The following RCHY1 variants were observed in gnomAD, a reference collection of about 807,000 sequenced individuals.
The protein encoded by RCHY1 is ring finger and CHY zinc finger domain containing 1, also known as RING finger and CHY zinc finger domain-containing protein 1.
In RCHY1, 21 loss-of-function variants were observed where a neutral mutation model predicts 41.6. The ratio of observed to expected loss-of-function variants is 0.51; its 90% confidence interval spans 0.36 to 0.73. The LOEUF is 0.73. Ranked by LOEUF, RCHY1 falls within the 30% of genes least tolerant of loss-of-function variation. The pLI is 0.00. For synonymous variants in RCHY1, 79 were observed against 102.9 expected, an observed-to-expected ratio of 0.77 and a Z score of 1.41; for missense variants, 265 against 325.3, an observed-to-expected ratio of 0.81 and a Z score of 1.43.
At chr4:75,514,528 C>T (rs1254001832), upstream of RCHY1, 3 of 427,680 alleles carry the variant, frequency 7.0e-6, no homozygotes, top group Non-Finnish European at 1.3e-5. Context: ...ACGGTAATAA[C>T]TCTTAGGTTG....
chr4:75,486,956 G>A lies in RCHY1; in HGVS notation c.657+3625C>T, dbSNP rs191131184. ...ATTGCTCCACTGTACTCCAGCCTGG[G>A]TGACAGAGAAAGACTCCGTCTAAAA... On this transcript the variant is annotated intron_variant, in intron 8 of 8. Transcript: ENST00000324439. Among the ~76,000 whole-genome samples the A allele has an allele frequency of 1.6e-4, 25 of 152,220 alleles. No individual in the cohort carries two copies. The East Asian group carries it at 4.8e-3, about 29-fold the overall frequency.
upstream of RCHY1, chr4:75,514,424 G>T: frequency 1.0e-6 from 1 of 969,490 alleles, no homozygotes. Context: ...CACGTGACCC[G>T]GGGCAGACGG....
At chr4:75,492,237 AT>A (rs1436844471) in intron 4 of RCHY1, among the ~76,000 whole-genome samples, 2 of 151,980 alleles carry the variant, frequency 1.3e-5, no homozygotes, top group African/African-American at 4.8e-5. Flanking sequence ...AGATAATAAG[AT>A]TTGGAACCTT....
At chr4:75,494,041 G>C in intron 4 of RCHY1, 60 bp downstream of exon 4, 1 of 972,412 alleles carries the variant, frequency 1.0e-6, no homozygotes, top group South Asian at 1.6e-5. Context: ...CATATTAGAA[G>C]TTAAGCTTAT....
intron 3 of RCHY1, among the ~76,000 whole-genome samples, chr4:75,506,688 A>G (rs1005693392): frequency 6.6e-6 from 1 of 151,890 alleles, no homozygotes; most frequent in Admixed American, 6.6e-5. Context: ...TATGGGATGG[A>G]GTCTCAGAAG....
At chr4:75,510,389 C>T (rs764705537) in intron 1 of RCHY1, among the ~76,000 whole-genome samples, 2 of 152,186 alleles carry the variant, frequency 1.3e-5, no homozygotes, top group African/African-American at 2.4e-5. Context: ...AGCAACTTTA[C>T]CATTACAAGT....
chr4:75,494,086 A>G lies in RCHY1; in HGVS notation c.405+15T>C. On this transcript the variant is annotated intron_variant, in intron 4 of 8. Transcript: ENST00000324439. Reference sequence around the variant, plus strand: ...ACTGTAATATTTTTAAAATTATACAAACTAAATTATATACCTTGTGTCTTC... The same window carrying G: ...ACTGTAATATTTTTAAAATTATACAGACTAAATTATATACCTTGTGTCTTC... 7.0e-7 allele frequency: 1 copy of G among 1,419,092 alleles called. No individual in the cohort carries two copies. The highest frequency in any genetic ancestry group is 9.6e-7 in the Non-Finnish European group (1 of 1,043,126). The allele number at this position is 1,419,092 out of a possible 1,614,324, so 87.9% of individuals were successfully genotyped here. A position where few individuals can be genotyped will look rare whatever the true frequency, so the allele number is the denominator to read the frequency against.
At chr4:75,514,067 T>G in intron 1 of RCHY1, 130 bp downstream of exon 1, 3 of 1,421,346 alleles carry the variant, frequency 2.1e-6, no homozygotes, top group Admixed American at 4.6e-5. Flanking sequence ...AAGAACCCAG[T>G]TCCAGGTGGA....
At chr4:75,504,320 T>A (rs1724092648) in intron 3 of RCHY1, among the ~76,000 whole-genome samples, 1 of 152,152 alleles carries the variant, frequency 6.6e-6, no homozygotes, top group African/African-American at 2.4e-5. Flanking sequence ...ATAAGCAGAT[T>A]TTCTTCTACC....
chr4:75,491,916 G>C lies in RCHY1; in HGVS notation c.423C>G (p.Ser141=). ...QGRHKCIENV[S]RQNCPICLED... The stretch of plus-strand genomic sequence containing the variant: ...CCAAACATATTGGACAATTCTGTCG[G>C]GACACATTTTCAATACACTGTTTAA... The change falls in exon 5 of 9, where the codon TCC becomes TCG. Residue 141 remains serine (S), a synonymous_variant. Transcript: ENST00000324439. 1.2e-6 allele frequency: 2 copies of C among 1,605,932 alleles called. No individual in the cohort carries two copies. Among genetic ancestry groups the C allele is most frequent in the Non-Finnish European group, 1.7e-6 (2 of 1,176,890 alleles).
rs1254108584 is a variant in RCHY1 at position 75,479,158 on chromosome 4, T to G, written c.*3380A>C. ...TAAGTGGTTTTTTTACCACAAAAAATGGTATGAGGCAATAAATTTATTACA... is the reference window on the plus strand; with the variant it reads ...TAAGTGGTTTTTTTACCACAAAAAAGGGTATGAGGCAATAAATTTATTACA... On this transcript the variant is annotated 3_prime_UTR_variant, in exon 9 of 9. Transcript: ENST00000324439. The G allele has an allele frequency of 6.6e-6, 1 of 152,094 alleles. No homozygotes were observed. The highest frequency in any genetic ancestry group is 1.5e-5 in the Non-Finnish European group (1 of 67,990). 9.4% of individuals were successfully genotyped at this position (152,094 alleles called of 1,614,324 possible).
chr4:75,514,237 T>C lies in RCHY1; in HGVS notation c.50A>G (p.Gln17Arg), dbSNP rs368017259. ...EDGASGQERG[Q>R]RGCEHYDRGC... ...TCTGTCATAGTGCTCGCAGCCCCGCTGACCTCGCTCTTGACCGCTGGCGCC... is the reference window on the plus strand; with the variant it reads ...TCTGTCATAGTGCTCGCAGCCCCGCCGACCTCGCTCTTGACCGCTGGCGCC... The change falls in exon 1 of 9, where the codon CAG (glutamine) becomes CGG (arginine). Residue 17 changes from glutamine (Q) to arginine (R), a missense_variant. Gln to Arg is a conservative substitution (Grantham distance 43). Coordinates refer to ENST00000324439, the MANE Select transcript of RCHY1 (RefSeq NM_015436.4). The C allele has an allele frequency of 8.7e-6, 14 of 1,613,350 alleles. No homozygotes were observed. Among genetic ancestry groups the C allele is most frequent in the African/African-American group, 2.7e-5 (2 of 75,044 alleles).
chr4:75,509,834 C>G (rs1404728113), intron 1 of RCHY1: 1 of 166,614 alleles, frequency 6.0e-6, no homozygotes, highest in Admixed American at 6.2e-5. Flanking sequence ...CGCCATGATT[C>G]TCAGGCCTCC....
At position 75,514,383 on chromosome 4, in the gene RCHY1, A is replaced by T; in HGVS notation, c.-97T>A. The T allele has an allele frequency of 7.5e-7, 1 of 1,336,036 alleles. No individual in the cohort carries two copies. Among genetic ancestry groups the T allele is most frequent in the Non-Finnish European group, 1.0e-6 (1 of 989,596 alleles). The allele number at this position is 1,336,036 out of a possible 1,614,324, so 82.8% of individuals were successfully genotyped here. On this transcript the variant is annotated 5_prime_UTR_variant, in exon 1 of 9. Coordinates refer to ENST00000324439, the MANE Select transcript of RCHY1 (RefSeq NM_015436.4). ...TCTCTAGCACACCCCTCCCAGCCCC[A>T]GCGGCCACTAGCGACAATATGGCTC...
chr4:75,489,683 A>G (rs1388420524), intron 8 of RCHY1, among the ~76,000 whole-genome samples: 1 of 152,244 alleles, frequency 6.6e-6, no homozygotes, highest in Non-Finnish European at 1.5e-5. Flanking sequence ...CCAAACTCTG[A>G]TATGACTAAA....
At chr4:75,487,583 TATATTCATA>T (rs1722202488) in intron 8 of RCHY1, among the ~76,000 whole-genome samples, 15 of 102,652 alleles carry the variant, frequency 1.5e-4, no homozygotes, top group South Asian at 8.2e-4. Context: ...TATTCATATA[TATATTCATA>T]ATATATATTC....
intron 3 of RCHY1, among the ~76,000 whole-genome samples, chr4:75,497,213 C>T (rs1358126636): frequency 6.6e-6 from 1 of 152,136 alleles, no homozygotes; most frequent in African/African-American, 2.4e-5. Flanking sequence ...CAACTTCAAG[C>T]AACCTAACAT....
At chr4:75,498,520 A>G (rs949078275) in intron 3 of RCHY1, among the ~76,000 whole-genome samples, 2 of 151,676 alleles carry the variant, frequency 1.3e-5, no homozygotes, top group Admixed American at 1.3e-4. Flanking sequence ...GAGGCTTCAC[A>G]CTACCTAACT....
chr4:75,483,057 T>G (rs1296727939), intron 8 of RCHY1, among the ~76,000 whole-genome samples: 1 of 152,124 alleles, frequency 6.6e-6, no homozygotes, highest in Non-Finnish European at 1.5e-5. Context: ...AAAACCAAAA[T>G]TTTTACACAA....
Sources: gnomAD v4.1 joint callset for allele counts (sites outside exome capture counted in the v4.1 genomes callset) on GRCh38, gnomAD v4.1.1 for gene constraint, MANE v1.5 for transcripts, NCBI Gene and HGNC (gene_info 2026-07-23, HGNC 2026-07-21) for gene names.